The following PDE12 variants were observed in gnomAD, a reference collection of about 807,000 sequenced individuals.
The protein encoded by PDE12 is phosphodiesterase 12.
In PDE12, 26 loss-of-function variants were observed where a neutral mutation model predicts 45.4. That is an observed-to-expected ratio of 0.57 (90% CI 0.42 to 0.79). PDE12 has a LOEUF of 0.79. Ranked by LOEUF, PDE12 falls within the 30% of genes least tolerant of loss-of-function variation. PDE12 has a pLI of 0.00. For synonymous variants in PDE12, 283 were observed against 323.9 expected (o/e 0.87, Z 1.36); for missense variants, 668 against 790.0 (o/e 0.85, Z 1.85).
chr3:57,642,031 T>C, the PDE12 span, among the ~76,000 whole-genome samples: 1 of 152,068 alleles, frequency 6.6e-6, no homozygotes, highest in Non-Finnish European at 1.5e-5. Context: ...TGCACAACAA[T>C]TAGCCGAGCG....
At position 57,566,672 on chromosome 3, in the gene PDE12, T is replaced by C. The variant is rs372056123; in HGVS notation, c.*6668T>C. The C allele has an allele frequency of 1.3e-5, 2 of 152,190 alleles. No individual in the cohort carries two copies. Among genetic ancestry groups the C allele is most frequent in the African/African-American group, 4.8e-5 (2 of 41,448 alleles). 9.4% of individuals were successfully genotyped at this position (152,190 alleles called of 1,614,324 possible). On this transcript the variant is annotated 3_prime_UTR_variant, in exon 3 of 3. Transcript: ENST00000311180. ...CATCCTAGTGTCAAGTGGCATCTTA[T>C]TGTGGTTTTGATTTGCATTTCCATG...
chr3:57,584,986 C>T, the PDE12 span, among the ~76,000 whole-genome samples: 1 of 152,080 alleles, frequency 6.6e-6, no homozygotes, highest in African/African-American at 2.4e-5. Context: ...GCCTCAGCCT[C>T]CCAAGTAGCT....
chr3:57,609,071 A>G, the PDE12 span, among the ~76,000 whole-genome samples: 1 of 152,216 alleles, frequency 6.6e-6, no homozygotes, highest in Non-Finnish European at 1.5e-5. Context: ...AGAACGCAGG[A>G]TTAAGAAACT....
At chr3:57,642,558 A>G in the PDE12 span, among the ~76,000 whole-genome samples, 1 of 152,136 alleles carries the variant, frequency 6.6e-6, no homozygotes, top group South Asian at 2.1e-4. Context: ...GAGCAAAAGC[A>G]GAAAGGATGA....
chr3:57,560,930 A>G lies in PDE12; in HGVS notation c.*926A>G, dbSNP rs1448672525. 1.0e-6 allele frequency: 1 copy of G among 982,774 alleles called. No homozygotes were observed. The highest frequency in any genetic ancestry group is 1.7e-5 in the African/African-American group (1 of 57,160). The allele number at this position is 982,774 out of a possible 1,614,324, so 60.9% of individuals were successfully genotyped here. A position where few individuals can be genotyped will look rare whatever the true frequency, so the allele number is the denominator to read the frequency against. ...CAAAAGATAAAAATAAATCGTCACC[A>G]ATTGTTATTGCTTCTCATCTTTCAT... On this transcript the variant is annotated 3_prime_UTR_variant, in exon 3 of 3. Coordinates refer to ENST00000311180, the MANE Select transcript of PDE12 (RefSeq NM_177966.7).
the PDE12 span, among the ~76,000 whole-genome samples, chr3:57,639,144 G>A: frequency 6.6e-6 from 1 of 152,034 alleles, no homozygotes; most frequent in Non-Finnish European, 1.5e-5. Flanking sequence ...TTTCACCAAA[G>A]ATATATGAAT....
In PDE12 at chr3:57,556,274, G is replaced by A. The variant is rs2069656074; in HGVS notation, c.-106G>A. 5 of 1,221,830 alleles carry A rather than the reference G, an allele frequency of 4.1e-6. No individual in the cohort carries two copies. The Admixed American group carries it at 1.1e-4, about 28-fold the overall frequency. 75.7% of individuals were successfully genotyped at this position (1,221,830 alleles called of 1,614,324 possible). On this transcript the variant is annotated 5_prime_UTR_variant, in exon 1 of 3. Coordinates refer to ENST00000311180, the MANE Select transcript of PDE12 (RefSeq NM_177966.7). This position sits in a 1 kb window ranked among gnomAD's most constrained non-coding sequence, Gnocchi z 5.0. Reference sequence around the variant, plus strand: ...TCCCTCTCTTCGCTAGCCGGAAGTCGCGAGATCTGAATGAGTCAAAGCCGG... The same window carrying A: ...TCCCTCTCTTCGCTAGCCGGAAGTCACGAGATCTGAATGAGTCAAAGCCGG...
chr3:57,630,204 A>G, the PDE12 span: 16 of 465,184 alleles, frequency 3.4e-5, no homozygotes, highest in Middle Eastern at 5.6e-4. Flanking sequence ...GATGCAGTTC[A>G]TAACACACCT....
the PDE12 span, among the ~76,000 whole-genome samples, chr3:57,579,109 G>C: frequency 1.3e-5 from 2 of 151,586 alleles, no homozygotes; most frequent in Non-Finnish European, 2.9e-5. Context: ...TCAGCCTGGT[G>C]AAACCCCATC....
chr3:57,614,532 T>G, the PDE12 span, among the ~76,000 whole-genome samples: 50,792 of 123,070 alleles, frequency 0.41, 10,238 homozygotes, highest in South Asian at 0.58. Context: ...CGTTTTTTTT[T>G]TTTTGTTTTT....
At chr3:57,653,871 C>T in the PDE12 span, among the ~76,000 whole-genome samples, 587 of 147,134 alleles carry the variant, frequency 4.0e-3, 6 homozygotes, top group African/African-American at 0.014. Flanking sequence ...CCCATTCTGG[C>T]GTATCATGCC....
At chr3:57,616,439 G>A in the PDE12 span, among the ~76,000 whole-genome samples, 1 of 151,216 alleles carries the variant, frequency 6.6e-6, no homozygotes. Context: ...AGGAGGAAGA[G>A]AAGGAAGATG....
chr3:57,560,172 T>C lies in PDE12; in HGVS notation c.*168T>C, dbSNP rs990550507. On this transcript the variant is annotated 3_prime_UTR_variant, in exon 3 of 3. Transcript: ENST00000311180. ...TATGAAACTGTTGATGTTTGCATCA[T>C]ACATCTTCTCTTTCCTTGTTTTCCT... 3 of 1,355,272 alleles carry C rather than the reference T, an allele frequency of 2.2e-6. No individual in the cohort carries two copies. Among genetic ancestry groups the C allele is most frequent in the African/African-American group, 2.9e-5 (2 of 68,124 alleles). 84.0% of individuals were successfully genotyped at this position (1,355,272 alleles called of 1,614,324 possible). A position where few individuals can be genotyped will look rare whatever the true frequency, so the allele number is the denominator to read the frequency against.
At chr3:57,641,622 C>T in the PDE12 span, 3 of 1,582,664 alleles carry the variant, frequency 1.9e-6, no homozygotes, top group Middle Eastern at 1.7e-4. Flanking sequence ...ACACTGCACA[C>T]TAGAAACAGA....
the PDE12 span, among the ~76,000 whole-genome samples, chr3:57,574,926 G>A: frequency 7.9e-5 from 12 of 151,992 alleles, no homozygotes; most frequent in East Asian, 1.4e-3. Context: ...GCGACTCACC[G>A]CAACCTCCAC....
chr3:57,575,642 A>G, the PDE12 span: 1 of 1,613,002 alleles, frequency 6.2e-7, no homozygotes, highest in Non-Finnish European at 8.5e-7. Flanking sequence ...AAAAAGTAGC[A>G]GCACTGCATC....
At chr3:57,606,713 G>A in the PDE12 span, among the ~76,000 whole-genome samples, 1 of 152,072 alleles carries the variant, frequency 6.6e-6, no homozygotes, top group Non-Finnish European at 1.5e-5. Context: ...ATTATTGTAA[G>A]GTTCCTATTC....
At chr3:57,591,472 T>C in the PDE12 span, among the ~76,000 whole-genome samples, 1 of 100,748 alleles carries the variant, frequency 9.9e-6, no homozygotes, top group Non-Finnish European at 2.3e-5. Flanking sequence ...TTTTCTTTTC[T>C]TTTTTTTTTT....
At chr3:57,604,336 G>A in the PDE12 span, among the ~76,000 whole-genome samples, 3 of 152,138 alleles carry the variant, frequency 2.0e-5, no homozygotes, top group Non-Finnish European at 2.9e-5. Context: ...ACTGATTCAT[G>A]TAATACTGTC....
Sources: gnomAD v4.1 joint callset for allele counts (sites outside exome capture counted in the v4.1 genomes callset) on GRCh38, gnomAD v4.1.1 for gene constraint, Gnocchi (gnomAD v3.1) non-coding constraint, MANE v1.5 for transcripts, NCBI Gene and HGNC (gene_info 2026-07-23, HGNC 2026-07-21) for gene names.